DOCK8: variants seen among roughly 807,000 people sequenced by gnomAD.
The protein encoded by DOCK8 is dedicator of cytokinesis 8.
In DOCK8, 141 loss-of-function variants were observed where a neutral mutation model predicts 245.6. The ratio of observed to expected loss-of-function variants is 0.57; its 90% CI spans 0.50 to 0.66. The LOEUF is 0.66. DOCK8 is among the 30% of genes least tolerant of loss of function. The pLI, the probability that DOCK8 is intolerant of heterozygous loss-of-function variation, is 0.00. For missense variants in DOCK8, 2,965 were observed against 2,603.4 expected, an observed-to-expected ratio of 1.14 and a Z score of -3.02; for synonymous variants, 1,168 against 970.2, an observed-to-expected ratio of 1.20 and a Z score of -3.79.
Position 271,620 on chromosome 9 carries a change from A to T in DOCK8, c.54-7A>T. 2 of 1,530,430 alleles carry T rather than the reference A, an allele frequency of 1.3e-6. No individual in the cohort carries two copies. The highest frequency in any genetic ancestry group is 1.8e-6 in the Non-Finnish European group (2 of 1,128,124). The allele number at this position is 1,530,430 out of a possible 1,614,324, so 94.8% of individuals were successfully genotyped here. ...ATTTCATTTAGATTTTTCTATTTTAATCCAAGGTATTCTTCAGCGGAAATA... is the reference window on the plus strand; with the variant it reads ...ATTTCATTTAGATTTTTCTATTTTATTCCAAGGTATTCTTCAGCGGAAATA... On this transcript the variant is annotated splice_region_variant and splice_polypyrimidine_tract_variant and intron_variant, in intron 1 of 47. Transcript: ENST00000432829.
At chr9:332,717 G>A (rs2051080052) in intron 10 of DOCK8, among the ~76,000 whole-genome samples, 1 of 145,460 alleles carries the variant, frequency 6.9e-6, no homozygotes, top group African/African-American at 2.6e-5. Flanking sequence ...GAGTGCTGGA[G>A]TGCAATCACG....
intron 1 of DOCK8, among the ~76,000 whole-genome samples, chr9:233,734 GT>G (rs1341809501): frequency 6.6e-6 from 1 of 151,552 alleles, no homozygotes; most frequent in African/African-American, 2.4e-5. Flanking sequence ...GCCTTTTTTT[GT>G]TTTCCATTTG....
At chr9:366,470 G>A (rs1438867699) in intron 14 of DOCK8, 1 of 152,172 alleles carries the variant, frequency 6.6e-6, no homozygotes. Context: ...ATACCTGAGA[G>A]CATTCATTAT....
chr9:388,613 G>T (rs2054056273), intron 23 of DOCK8, among the ~76,000 whole-genome samples: 1 of 151,270 alleles, frequency 6.6e-6, no homozygotes, highest in African/African-American at 2.4e-5. Flanking sequence ...GGAGTGCCGT[G>T]GTGCAATCTT....
intron 1 of DOCK8, among the ~76,000 whole-genome samples, chr9:231,282 C>T (rs2047110636): frequency 6.6e-6 from 1 of 152,096 alleles, no homozygotes; most frequent in South Asian, 2.1e-4. Context: ...GGTACCAGTA[C>T]CATGCTGTTT....
At chr9:344,093 G>A (rs1268082939) in intron 14 of DOCK8, among the ~76,000 whole-genome samples, 1 of 152,156 alleles carries the variant, frequency 6.6e-6, no homozygotes, top group African/African-American at 2.4e-5. Context: ...TTCTTGAGCT[G>A]TACTGGCCAC....
At position 286,449 on chromosome 9, in the gene DOCK8, C is replaced by G. The variant is rs376834731; in HGVS notation, c.157-12C>G. On this transcript the variant is annotated splice_polypyrimidine_tract_variant and intron_variant, in intron 2 of 47. Transcript: ENST00000432829. ...GGTGAGAACCTCCTTTTCCTTTTCC[C>G]TGCCCCTCCAGCCTCAGTTTTATGA... 2.5e-6 allele frequency: 4 copies of G among 1,613,350 alleles called. No individual in the cohort carries two copies. In the African/African-American group the frequency reaches 4.0e-5, roughly 16 times the overall value.
chr9:235,012 T>C (rs867820132), intron 1 of DOCK8, among the ~76,000 whole-genome samples: 23 of 152,318 alleles, frequency 1.5e-4, no homozygotes, highest in Middle Eastern at 6.8e-3. Flanking sequence ...TCTGTTTTTT[T>C]CCCATCTTTG....
intron 26 of DOCK8, among the ~76,000 whole-genome samples, chr9:400,820 TCCACCATCACCATCACCACCA>T (rs1564015603): frequency 7.6e-4 from 20 of 26,304 alleles, no homozygotes; most frequent in African/African-American, 2.8e-3. Context: ...CACCACCACC[TCCACCATCACCATCACCACCA>T]CCTCCACCAT....
intron 36 of DOCK8, among the ~76,000 whole-genome samples, chr9:430,331 C>T (rs1292638123): frequency 2.6e-5 from 4 of 151,374 alleles, no homozygotes; most frequent in Non-Finnish European, 4.4e-5. Flanking sequence ...CCGAGATTGC[C>T]CCATTTCACT....
rs1554707993 is a variant in DOCK8 at position 439,297 on chromosome 9, C to A, written c.5132C>A (p.Ser1711Ter). 2 of 1,614,220 alleles carry A rather than the reference C, an allele frequency of 1.2e-6. No homozygotes were observed. The highest frequency in any genetic ancestry group is 1.6e-4 in the Middle Eastern group (1 of 6,062). Residue 1711 changes from serine to a stop codon, truncating the protein, a stop_gained, in exon 40 of 48, where the codon TCA (serine) becomes TAA (stop). Coordinates refer to ENST00000432829, the MANE Select transcript of DOCK8 (RefSeq NM_203447.4). LOFTEE classifies it high-confidence loss of function. ...EESVVSEDTL[S>*]PDEDGVCAGQ... is the part of the protein sequence containing the mutation. The stretch of plus-strand genomic sequence containing the variant: ...TCTGTGGTCTCTGAGGACACCCTGT[C>A]ACCTGACGAGGATGGGGTGTGCGCA...
intron 28 of DOCK8, among the ~76,000 whole-genome samples, chr9:411,453 A>G (rs1022208757): frequency 2.2e-4 from 33 of 151,954 alleles, no homozygotes; most frequent in Admixed American, 7.9e-4. Context: ...AAAATTTAAA[A>G]CTTCCTACAA....
rs1178726706 is a variant in DOCK8, at chr9:428,368, T to C, written c.4345T>C (p.Ser1449Pro). ...TGTTCTTCCATTCCCCCAGGCGAGC[T>C]CGGCTCTGGACTGTAAAGACAGCCT... is the stretch of plus-strand genomic sequence containing the variant. ...DMQENIIQAS[S>P]ALDCKDSLLG... Residue 1449 changes from serine to proline, a missense_variant, in exon 35 of 48, where the codon TCG becomes CCG. Ser to Pro is a moderately conservative substitution (Grantham distance 74). Around this residue, in one of 3 missense-constraint regions of DOCK8, gnomAD observed 2,825 missense variants for 2,453.5 expected, o/e 1.15. Transcript: ENST00000432829. 2 of 1,614,142 alleles carry C rather than the reference T, an allele frequency of 1.2e-6. No homozygotes were observed. Among genetic ancestry groups the C allele is most frequent in the Non-Finnish European group, 1.7e-6 (2 of 1,180,040 alleles).
At chr9:220,506 T>C (rs183883759) in intron 1 of DOCK8, among the ~76,000 whole-genome samples, 2 of 152,220 alleles carry the variant, frequency 1.3e-5, no homozygotes, top group East Asian at 3.9e-4. Context: ...GGGATGATGT[T>C]AAAAACACCT....
At position 332,385 on chromosome 9, in the gene DOCK8, T is replaced by C; in HGVS notation, c.1045-13T>C. The C allele has an allele frequency of 6.3e-7, 1 of 1,587,280 alleles. No individual in the cohort carries two copies. Among genetic ancestry groups the C allele is most frequent in the South Asian group, 1.1e-5 (1 of 90,512 alleles). Reference sequence around the variant, plus strand: ...ATTTATGTGCCTTATTTTAATATTCTTTTTATTGGTAGATTGAAAAAGTCC... The same window carrying C: ...ATTTATGTGCCTTATTTTAATATTCCTTTTATTGGTAGATTGAAAAAGTCC... On this transcript the variant is annotated splice_polypyrimidine_tract_variant and intron_variant, in intron 9 of 47. Transcript: ENST00000432829.
At chr9:246,732 A>C (rs1302142203) in intron 1 of DOCK8, among the ~76,000 whole-genome samples, 1 of 152,162 alleles carries the variant, frequency 6.6e-6, no homozygotes, top group Non-Finnish European at 1.5e-5. Context: ...GTGGTCATGT[A>C]GTTCATAGGT....
At chr9:419,616 C>A (rs183747236) in intron 30 of DOCK8, among the ~76,000 whole-genome samples, 1 of 152,176 alleles carries the variant, frequency 6.6e-6, no homozygotes, top group Non-Finnish European at 1.5e-5. Flanking sequence ...ATTTCCCTCC[C>A]ATACCCACAA....
At chr9:292,099 C>T (rs1471774187) in intron 4 of DOCK8, among the ~76,000 whole-genome samples, 1 of 131,560 alleles carries the variant, frequency 7.6e-6, no homozygotes, top group African/African-American at 2.8e-5. Flanking sequence ...AAGCCAGGCA[C>T]GGTGCTCATG....
chr9:328,877 G>C (rs970951254), intron 9 of DOCK8, among the ~76,000 whole-genome samples: 2 of 149,038 alleles, frequency 1.3e-5, no homozygotes, highest in Non-Finnish European at 3.0e-5. Context: ...AAAATGACTG[G>C]TTAGAAATTA....
Sources: allele counts gnomAD v4.1 joint callset (sites outside exome capture counted in the v4.1 genomes callset), GRCh38; gene constraint gnomAD v4.1.1; regional missense constraint gnomAD v4.1.1; transcripts MANE v1.5; gene names NCBI Gene and HGNC (gene_info 2026-07-23, HGNC 2026-07-21).